Variants in KCNE3 observed in about 807,000 individuals in gnomAD.
The protein encoded by KCNE3 is potassium voltage-gated channel subfamily E regulatory subunit 3, also known as potassium voltage-gated channel subfamily E member 3.
KCNE3 carries 2 observed loss-of-function variants against 4.3 expected under a neutral mutation model. The ratio of observed to expected loss-of-function variants is 0.47; its 90% CI spans 0.19 to 1.48. The LOEUF (loss-of-function observed/expected upper bound fraction) is 1.48, where lower values mean the gene tolerates loss of function less well. Ranked by LOEUF, KCNE3 falls within the 40% of genes most tolerant of loss-of-function variation. The probability of loss-of-function intolerance (pLI) is 0.25; values close to 1 mark genes in which losing one functional copy is unlikely to be tolerated. For missense variants in KCNE3, 128 were observed against 136.8 expected (o/e 0.94, Z 0.32); for synonymous variants, 47 against 52.0 (o/e 0.90, Z 0.41).
chr11:74,454,975 A>G lies in KCNE3; in HGVS notation c.*2277T>C, dbSNP rs1215343084. The G allele has an allele frequency of 1.3e-5, 2 of 152,206 alleles. No homozygotes were observed. The highest frequency in any genetic ancestry group is 4.8e-5 in the African/African-American group (2 of 41,460). The allele number at this position is 152,206 out of a possible 1,614,324, so 9.4% of individuals were successfully genotyped here. ...TCTCCACCTTCTCCCTCAAGAAGAG[A>G]TGAGGAAGGGCTTGAGCAACAGGGC... On this transcript the variant is annotated 3_prime_UTR_variant, in exon 3 of 3. Transcript: ENST00000310128.
chr11:74,461,623 C>T (rs948028713), intron 2 of KCNE3, among the ~76,000 whole-genome samples: 1 of 151,698 alleles, frequency 6.6e-6, no homozygotes, highest in Non-Finnish European at 1.5e-5. Flanking sequence ...ACCTCTGTCT[C>T]AAAAAACAAA....
chr11:74,459,765 G>A (rs886486466), intron 2 of KCNE3, among the ~76,000 whole-genome samples: 2 of 152,056 alleles, frequency 1.3e-5, no homozygotes, highest in Non-Finnish European at 2.9e-5. Context: ...TTTTTGATAA[G>A]GATATCATCA....
Position 74,456,984 on chromosome 11 carries a change from G to A in KCNE3, c.*268C>T. ...ACTCCAGCCACTGAACCAGTTATTG[G>A]TCATTATCTGTTGCTACTTTTATAT... is the stretch of plus-strand genomic sequence containing the variant. On this transcript the variant is annotated 3_prime_UTR_variant, in exon 3 of 3. Transcript: ENST00000310128. 3.9e-6 allele frequency: 2 copies of A among 519,040 alleles called. No homozygotes were observed. The highest frequency in any genetic ancestry group is 4.3e-5 in the South Asian group (2 of 46,386). The allele number at this position is 519,040 out of a possible 1,614,324, so 32.2% of individuals were successfully genotyped here.
rs773287275 is a variant in KCNE3, at chr11:74,457,515, C to T, written c.49G>A (p.Val17Met). 2.5e-5 allele frequency: 40 copies of T among 1,614,162 alleles called. 1 individual carries two copies. In the South Asian group the frequency reaches 3.1e-4, roughly 12 times the overall value. ...TETWYESLHA[V>M]LKALNATLHS... is the part of the protein sequence containing the mutation. ...AGAGTGGCATTTAGAGCCTTCAGCACGGCATGCAGGCTCTCATACCAGGTC... is the reference window on the plus strand; with the variant it reads ...AGAGTGGCATTTAGAGCCTTCAGCATGGCATGCAGGCTCTCATACCAGGTC... The change falls in exon 3 of 3, where the codon GTG (valine) becomes ATG (methionine). Residue 17 changes from valine to methionine, a missense_variant. Val to Met is a conservative substitution (Grantham distance 21). Coordinates refer to ENST00000310128, the MANE Select transcript of KCNE3 (RefSeq NM_005472.5).
rs144945891 is a variant in KCNE3 at position 74,460,971 on chromosome 11, C to T, written c.-41+984G>A. Among the ~76,000 whole-genome samples the T allele has an allele frequency of 1.3e-3, 191 of 152,102 alleles. 1 individual carries two copies. The highest frequency in any genetic ancestry group is 4.5e-3 in the African/African-American group (185 of 41,466). The stretch of plus-strand genomic sequence containing the variant: ...CAAAGTAGGGAAGTGGGGGTAGAGA[C>T]AGTCGTAAGACCTGAGGAGGAAATG... On this transcript the variant is annotated intron_variant, in intron 2 of 2. Transcript: ENST00000310128.
chr11:74,465,362 C>T (rs1864039318), intron 1 of KCNE3, among the ~76,000 whole-genome samples: 1 of 152,108 alleles, frequency 6.6e-6, no homozygotes, highest in Non-Finnish European at 1.5e-5. Flanking sequence ...AAACAGATTT[C>T]ATTTGGTCTG....
At chr11:74,459,443 T>G (rs754613775) in intron 2 of KCNE3, among the ~76,000 whole-genome samples, 1 of 151,880 alleles carries the variant, frequency 6.6e-6, no homozygotes, top group African/African-American at 2.4e-5. Flanking sequence ...TTTGTATTTT[T>G]AGTAGAGACA....
At chr11:74,464,625 A>T (rs2135019433) in intron 1 of KCNE3, among the ~76,000 whole-genome samples, 1 of 152,312 alleles carries the variant, frequency 6.6e-6, no homozygotes, top group East Asian at 1.9e-4. Flanking sequence ...TCACCTGCTT[A>T]AGGTCTCACA....
chr11:74,466,510 T>C (rs1246454393), intron 1 of KCNE3, among the ~76,000 whole-genome samples: 1 of 152,206 alleles, frequency 6.6e-6, no homozygotes, highest in East Asian at 1.9e-4. Context: ...AGCCCTGGGC[T>C]AGGACTGAGG....
chr11:74,456,379 T>C lies in KCNE3; in HGVS notation c.*873A>G. The C allele has an allele frequency of 6.7e-6, 1 of 149,284 alleles. No individual in the cohort carries two copies. The highest frequency in any genetic ancestry group is 1.5e-5 in the Non-Finnish European group (1 of 67,374). 9.2% of individuals were successfully genotyped at this position (149,284 alleles called of 1,614,324 possible). A position where few individuals can be genotyped will look rare whatever the true frequency, so the allele number is the denominator to read the frequency against. ...AAAAGAAGTTTCTCACATCACTCAG[T>C]CAAAACTGAAAAGACTGCTTGCTTT... On this transcript the variant is annotated 3_prime_UTR_variant, in exon 3 of 3. Transcript: ENST00000310128.
At chr11:74,462,873 C>G (rs1195921893) in intron 1 of KCNE3, 1 of 152,184 alleles carries the variant, frequency 6.6e-6, no homozygotes, top group African/African-American at 2.4e-5. Context: ...ATGAAGGGGT[C>G]TCAGTTGGTT....
intron 2 of KCNE3, among the ~76,000 whole-genome samples, chr11:74,461,292 T>TTGTGTGTGTGTG (rs4018948): frequency 4.0e-5 from 6 of 148,478 alleles, no homozygotes; most frequent in African/African-American, 7.5e-5. Context: ...TTTTTATGTT[T>TTGTGTGTGTGTG]TGTGTGTGTG....
At chr11:74,457,842 A>G (rs1863858322) in intron 2 of KCNE3, among the ~76,000 whole-genome samples, 4 of 152,154 alleles carry the variant, frequency 2.6e-5, no homozygotes, top group Admixed American at 6.5e-5. Context: ...ATGATAGTGA[A>G]TAAGTCTCAC....
intron 1 of KCNE3, among the ~76,000 whole-genome samples, chr11:74,463,350 G>C (rs1285414500): frequency 6.6e-6 from 1 of 152,168 alleles, no homozygotes; most frequent in Non-Finnish European, 1.5e-5. Context: ...GGTTTGTATG[G>C]GAGGGAAGGC....
At chr11:74,465,146 ATGTGTG>A in intron 1 of KCNE3, among the ~76,000 whole-genome samples, 1 of 150,254 alleles carries the variant, frequency 6.7e-6, no homozygotes, top group Non-Finnish European at 1.5e-5. Context: ...GTGTATGTGT[ATGTGTG>A]TAACTGTGCG....
Position 74,457,623 on chromosome 11 carries a change from G to C in KCNE3, c.-40-20C>G. The C allele has an allele frequency of 2.7e-6, 4 of 1,493,332 alleles. No individual in the cohort carries two copies. In the South Asian group the frequency reaches 3.4e-5, roughly 13 times the overall value. The allele number at this position is 1,493,332 out of a possible 1,614,324, so 92.5% of individuals were successfully genotyped here. A position where few individuals can be genotyped will look rare whatever the true frequency, so the allele number is the denominator to read the frequency against. On this transcript the variant is annotated intron_variant, in intron 2 of 2. Coordinates refer to ENST00000310128, the MANE Select transcript of KCNE3 (RefSeq NM_005472.5). The stretch of plus-strand genomic sequence containing the variant: ...GAAGCTCTGGTGGCAAAAGAAAAGA[G>C]AGAGGGGATGGCTCTGTCACCTGCA...
chr11:74,459,600 T>C (rs1863906585), intron 2 of KCNE3, among the ~76,000 whole-genome samples: 1 of 152,080 alleles, frequency 6.6e-6, no homozygotes, highest in Non-Finnish European at 1.5e-5. Context: ...AAAAACCATA[T>C]GTAATTCCCT....
intron 2 of KCNE3, 74 bp from the exon 3 acceptor site, chr11:74,457,677 CAGGTAAA>C (rs1440374045): frequency 7.0e-5 from 67 of 957,176 alleles, no homozygotes; most frequent in Non-Finnish European, 1.0e-4. Flanking sequence ...CTTCAGATCC[CAGGTAAA>C]ATCTTAGCAT....
rs1384418580 is a variant in KCNE3, at chr11:74,457,073, C to A, written c.*179G>T. Reference sequence around the variant, plus strand: ...TTTCCTGGGAAAAAATCCTTATGCACAAGGCTTCGGTCTACCAGCCCCTCT... The same window carrying A: ...TTTCCTGGGAAAAAATCCTTATGCAAAAGGCTTCGGTCTACCAGCCCCTCT... On this transcript the variant is annotated 3_prime_UTR_variant, in exon 3 of 3. Transcript: ENST00000310128. 3.1e-6 allele frequency: 2 copies of A among 650,814 alleles called. No homozygotes were observed. The highest frequency in any genetic ancestry group is 1.8e-5 in the South Asian group (1 of 55,292). 40.3% of individuals were successfully genotyped at this position (650,814 alleles called of 1,614,324 possible).
Sources: gnomAD v4.1 joint callset for allele counts (sites outside exome capture counted in the v4.1 genomes callset) on GRCh38, gnomAD v4.1.1 for gene constraint, MANE v1.5 for transcripts, NCBI Gene and HGNC (gene_info 2026-07-23, HGNC 2026-07-21) for gene names.